The following TSHZ2 variants were observed in gnomAD, a reference collection of about 807,000 sequenced individuals.
TSHZ2 encodes teashirt homolog 2.
A neutral mutation model predicts 74.4 loss-of-function variants in TSHZ2; 21 were observed. The observed-to-expected ratio is 0.28, with a 90% CI of 0.20 to 0.41. The LOEUF is 0.41. Ranked by LOEUF, TSHZ2 falls within the 10% of genes least tolerant of loss-of-function variation. TSHZ2 has a pLI of 1.00. For missense variants in TSHZ2, 1,244 were observed against 1,293.5 expected, an observed-to-expected ratio of 0.96 and a Z score of 0.59; for synonymous variants, 540 against 515.3, an observed-to-expected ratio of 1.05 and a Z score of -0.65.
chr20:53,241,170 A>T (rs1990060850), intron 1 of TSHZ2, among the ~76,000 whole-genome samples: 1 of 152,196 alleles, frequency 6.6e-6, no homozygotes, highest in Non-Finnish European at 1.5e-5. Context: ...TCGAAGGGTC[A>T]AAAAACCCTG....
At chr20:53,291,766 G>T (rs1446406472) in intron 2 of TSHZ2, among the ~76,000 whole-genome samples, 1 of 151,994 alleles carries the variant, frequency 6.6e-6, no homozygotes, top group Admixed American at 6.6e-5. Flanking sequence ...TTTCACCCAG[G>T]TCATGATAAA....
chr20:53,192,868 A>G (rs996283668), intron 1 of TSHZ2, among the ~76,000 whole-genome samples: 14 of 152,112 alleles, frequency 9.2e-5, no homozygotes, highest in Non-Finnish European at 1.8e-4. Flanking sequence ...GAGAAAGATG[A>G]TTTTTCTCAG....
At chr20:53,187,633 T>A (rs891107411) in intron 1 of TSHZ2, among the ~76,000 whole-genome samples, 1 of 151,890 alleles carries the variant, frequency 6.6e-6, no homozygotes, top group Non-Finnish European at 1.5e-5. Flanking sequence ...GCAGAGGGCC[T>A]GTGTAAATCT....
intron 1 of TSHZ2, among the ~76,000 whole-genome samples, chr20:53,143,595 G>A (rs1047301625): frequency 6.6e-6 from 1 of 152,182 alleles, no homozygotes; most frequent in Non-Finnish European, 1.5e-5. Context: ...GGGAGGCTGA[G>A]GCAGGAGAAT....
intron 2 of TSHZ2, among the ~76,000 whole-genome samples, chr20:53,463,358 T>C (rs1180112402): frequency 7.4e-6 from 1 of 134,352 alleles, no homozygotes; most frequent in Non-Finnish European, 1.5e-5. Flanking sequence ...GGGAGACCCC[T>C]GTCTTGAAAG....
chr20:53,422,443 A>G (rs970301702), intron 2 of TSHZ2, among the ~76,000 whole-genome samples: 44 of 152,300 alleles, frequency 2.9e-4, no homozygotes, highest in African/African-American at 1.1e-3. Context: ...GGTGGTTGCT[A>G]TTATAGACGA....
chr20:53,057,001 T>C (rs1362291126), intron 1 of TSHZ2, among the ~76,000 whole-genome samples: 2 of 152,182 alleles, frequency 1.3e-5, no homozygotes, highest in South Asian at 2.1e-4. Context: ...TGGGAGGTCA[T>C]TGAATCATTG....
At chr20:53,423,425 T>C (rs1309584158) in intron 2 of TSHZ2, among the ~76,000 whole-genome samples, 2 of 152,014 alleles carry the variant, frequency 1.3e-5, no homozygotes, top group Admixed American at 1.3e-4. Flanking sequence ...TATTTGAACC[T>C]TGGTGTGCTT....
intron 2 of TSHZ2, among the ~76,000 whole-genome samples, chr20:53,328,015 AC>A (rs1387201733): frequency 1.3e-5 from 2 of 152,190 alleles, no homozygotes. Flanking sequence ...CCAGGGCCTG[AC>A]CCTTGGTAAA....
intron 1 of TSHZ2, among the ~76,000 whole-genome samples, chr20:52,974,344 C>A (rs1266903960): frequency 1.3e-5 from 2 of 152,164 alleles, no homozygotes; most frequent in African/African-American, 2.4e-5. Flanking sequence ...ATCAATAAAT[C>A]ACTCACCATG....
rs1990473432 is a variant in TSHZ2 at position 53,256,077 on chromosome 20, G to A, written c.2619G>A (p.Leu873=). The stretch of plus-strand genomic sequence containing the variant: ...TCCAGACATCAGAGGGCAAATACCT[G>A]CTGTCTGATCTGGGCCCACAAGAGC... ...SLFQTSEGKY[L]LSDLGPQERM... The change falls in exon 2 of 3, where the codon CTG becomes CTA. Residue 873 remains leucine, a synonymous_variant. Transcript: ENST00000371497. This position sits in a 1 kb window ranked among gnomAD's most constrained non-coding sequence, Gnocchi z 4.3. The A allele has an allele frequency of 1.9e-6, 3 of 1,614,134 alleles. No individual in the cohort carries two copies. The highest frequency in any genetic ancestry group is 8.5e-7 in the Non-Finnish European group (1 of 1,180,010).
chr20:53,490,047 A>G lies in TSHZ2; in HGVS notation c.*2912A>G, dbSNP rs570223023. On this transcript the variant is annotated 3_prime_UTR_variant, in exon 3 of 3. Transcript: ENST00000371497. ...GCAAATATAATGCAAATTACCCTCA[A>G]GTATCGCCATTCTTCCACCACCTCT... The G allele has an allele frequency of 2.6e-5, 4 of 152,358 alleles. No homozygotes were observed. In the South Asian group the frequency reaches 8.3e-4, roughly 32 times the overall value. 9.4% of individuals were successfully genotyped at this position (152,358 alleles called of 1,614,324 possible).
intron 1 of TSHZ2, among the ~76,000 whole-genome samples, chr20:53,223,926 C>G (rs948510551): frequency 6.7e-6 from 1 of 149,654 alleles, no homozygotes; most frequent in Non-Finnish European, 1.5e-5. Context: ...CACACACACA[C>G]ACACACCCCT....
At chr20:53,187,984 G>A (rs1307205070) in intron 1 of TSHZ2, among the ~76,000 whole-genome samples, 2 of 152,150 alleles carry the variant, frequency 1.3e-5, no homozygotes, top group African/African-American at 2.4e-5. Flanking sequence ...AGAACCCTCA[G>A]AAATGTGGCA....
chr20:53,291,659 G>A (rs1030315095), intron 2 of TSHZ2, among the ~76,000 whole-genome samples: 1 of 151,918 alleles, frequency 6.6e-6, no homozygotes, highest in Admixed American at 6.6e-5. Context: ...AGTTTTGCCA[G>A]GACTGTGCTG....
At chr20:53,087,122 A>G (rs1456666447) in intron 1 of TSHZ2, among the ~76,000 whole-genome samples, 2 of 152,220 alleles carry the variant, frequency 1.3e-5, no homozygotes, top group Admixed American at 6.5e-5. Flanking sequence ...AGATTCTCAC[A>G]TGGCTAGACC....
chr20:53,342,265 T>C (rs1568876681), intron 2 of TSHZ2, among the ~76,000 whole-genome samples: 1 of 150,892 alleles, frequency 6.6e-6, no homozygotes, highest in Non-Finnish European at 1.5e-5. Flanking sequence ...CCATGTCTCC[T>C]TGGGCTCTTG....
At chr20:53,185,765 TTTC>T in intron 1 of TSHZ2, 1 of 1,494,096 alleles carries the variant, frequency 6.7e-7, no homozygotes, top group East Asian at 2.5e-5. Context: ...CTTCAACCAT[TTTC>T]TTAATGGTTT....
chr20:53,397,076 A>G (rs137871741), intron 2 of TSHZ2, among the ~76,000 whole-genome samples: 4,392 of 152,296 alleles, frequency 0.029, 101 homozygotes, highest in Non-Finnish European at 0.044. Context: ...CAAGGACTTC[A>G]TGTCTAAAAC....
Sources: allele counts gnomAD v4.1 joint callset (sites outside exome capture counted in the v4.1 genomes callset), GRCh38; gene constraint gnomAD v4.1.1; non-coding constraint Gnocchi (gnomAD v3.1); transcripts MANE v1.5; gene names NCBI Gene and HGNC (gene_info 2026-07-23, HGNC 2026-07-21).